Variants in SDK1 observed in about 807,000 individuals in gnomAD.
The protein encoded by SDK1 is sidekick cell adhesion molecule 1.
Under a neutral mutation model 245.5 loss-of-function variants are expected in SDK1, and 157 were observed. That is an observed-to-expected ratio of 0.64 (90% CI 0.56 to 0.73). The LOEUF is 0.73. SDK1 is among the 30% of genes least tolerant of loss of function. The pLI is 0.00. For synonymous variants in SDK1, 1,647 were observed against 1,278.5 expected, an observed-to-expected ratio of 1.29 and a Z score of -6.15; for missense variants, 3,583 against 3,002.3, an observed-to-expected ratio of 1.19 and a Z score of -4.52.
At chr7:3,869,275 C>A (rs1381777216) in intron 5 of SDK1, among the ~76,000 whole-genome samples, 1 of 151,718 alleles carries the variant, frequency 6.6e-6, no homozygotes, top group Non-Finnish European at 1.5e-5. Context: ...CCTGCCTCAG[C>A]CTTCCGGGTA....
intron 4 of SDK1, among the ~76,000 whole-genome samples, chr7:3,732,833 G>A (rs1779217586): frequency 6.6e-6 from 1 of 152,226 alleles, no homozygotes. Flanking sequence ...TGAGATGCAG[G>A]TGTGGTGACT....
intron 1 of SDK1, among the ~76,000 whole-genome samples, chr7:3,484,223 G>T (rs1781606590): frequency 6.6e-6 from 1 of 152,168 alleles, no homozygotes; most frequent in African/African-American, 2.4e-5. Context: ...CTGTATCCAT[G>T]AATTCACATC....
chr7:3,540,033 A>G (rs531098656), intron 1 of SDK1, among the ~76,000 whole-genome samples: 2 of 152,308 alleles, frequency 1.3e-5, no homozygotes, highest in Admixed American at 6.5e-5. Flanking sequence ...CAAATTTATG[A>G]TATTTTGAGT....
intron 5 of SDK1, among the ~76,000 whole-genome samples, chr7:3,894,451 G>C (rs1781544803): frequency 6.6e-6 from 1 of 151,912 alleles, no homozygotes; most frequent in Non-Finnish European, 1.5e-5. Context: ...CGGGGGTGGT[G>C]GGGGAGTGGG....
intron 1 of SDK1, among the ~76,000 whole-genome samples, chr7:3,533,762 A>G (rs1279938032): frequency 6.6e-6 from 1 of 151,650 alleles, no homozygotes; most frequent in Non-Finnish European, 1.5e-5. Context: ...TCTTTCATCC[A>G]TCTCTTTGGC....
At chr7:3,615,505 T>G (rs991784200) in intron 1 of SDK1, among the ~76,000 whole-genome samples, 1 of 151,744 alleles carries the variant, frequency 6.6e-6, no homozygotes, top group Non-Finnish European at 1.5e-5. Context: ...CATCTAACAC[T>G]TTACTGCTTA....
intron 15 of SDK1, among the ~76,000 whole-genome samples, 199 bp downstream of exon 15, chr7:4,011,312 T>C (rs1341707011): frequency 6.6e-6 from 1 of 152,250 alleles, no homozygotes; most frequent in Non-Finnish European, 1.5e-5. Context: ...CCTTCCTTCA[T>C]TGCTTTGAGG....
intron 5 of SDK1, among the ~76,000 whole-genome samples, chr7:3,829,563 C>T (rs1248087949): frequency 6.6e-6 from 1 of 152,118 alleles, no homozygotes. Context: ...GTTTATTTGT[C>T]CCCCTCCCAA....
At chr7:3,795,925 G>A (rs1187826013) in intron 4 of SDK1, among the ~76,000 whole-genome samples, 5 of 152,288 alleles carry the variant, frequency 3.3e-5, no homozygotes, top group Admixed American at 2.6e-4. Context: ...TTTCTGGGAA[G>A]GTAATGATTC....
At chr7:4,247,615 G>A (rs541241234) in intron 44 of SDK1, among the ~76,000 whole-genome samples, 1 of 152,352 alleles carries the variant, frequency 6.6e-6, no homozygotes, top group East Asian at 1.9e-4. Context: ...GCCGCTGCCG[G>A]GCCGCTGCTC....
chr7:3,965,639 G>C (rs1254082850), intron 9 of SDK1, among the ~76,000 whole-genome samples: 1 of 152,208 alleles, frequency 6.6e-6, no homozygotes, highest in African/African-American at 2.4e-5. Flanking sequence ...CTGTGAGGAA[G>C]ACAGGTGAGG....
At chr7:3,331,545 G>A (rs1003574798) in intron 1 of SDK1, among the ~76,000 whole-genome samples, 1 of 151,904 alleles carries the variant, frequency 6.6e-6, no homozygotes, top group Non-Finnish European at 1.5e-5. Context: ...GCTTTATCAG[G>A]TATGATTTTC....
At chr7:3,329,257 C>T (rs4415221) in intron 1 of SDK1, among the ~76,000 whole-genome samples, 1,944 of 152,254 alleles carry the variant, frequency 0.013, 15 homozygotes, top group Non-Finnish European at 0.019. Context: ...GTCCATGAGG[C>T]ACTCTTTGAT....
In SDK1 at chr7:4,266,596, T is replaced by C. The variant is rs968941632; in HGVS notation, c.*1212T>C. 2.0e-6 allele frequency: 2 copies of C among 985,210 alleles called. No homozygotes were observed. The highest frequency in any genetic ancestry group is 1.7e-5 in the African/African-American group (1 of 57,246). 61.0% of individuals were successfully genotyped at this position (985,210 alleles called of 1,614,324 possible). A position where few individuals can be genotyped will look rare whatever the true frequency, so the allele number is the denominator to read the frequency against. On this transcript the variant is annotated 3_prime_UTR_variant, in exon 45 of 45. Coordinates refer to ENST00000404826, the MANE Select transcript of SDK1 (RefSeq NM_152744.4). ...TTCTTTTTTTTATTTAAAATTGTCA[T>C]TGTTTGGTTTAAATTTTTCAGCTAG...
At chr7:3,374,151 T>G (rs1781295589) in intron 1 of SDK1, among the ~76,000 whole-genome samples, 2 of 152,174 alleles carry the variant, frequency 1.3e-5, no homozygotes, top group Admixed American at 6.5e-5. Context: ...CAGTGTGTTT[T>G]GCATAGTTGA....
At chr7:3,490,250 A>G (rs1240709297) in intron 1 of SDK1, among the ~76,000 whole-genome samples, 3 of 152,246 alleles carry the variant, frequency 2.0e-5, no homozygotes, top group Non-Finnish European at 4.4e-5. Flanking sequence ...TTCTTTTCAT[A>G]GGAAATAGGC....
chr7:3,493,644 G>A (rs1475898475), intron 1 of SDK1, among the ~76,000 whole-genome samples: 1 of 152,192 alleles, frequency 6.6e-6, no homozygotes. Flanking sequence ...TTATCTTCAT[G>A]AGTCAGGGCT....
intron 7 of SDK1, chr7:3,952,167 C>T (rs1390745811): frequency 9.8e-6 from 5 of 511,548 alleles, no homozygotes; most frequent in African/African-American, 2.0e-5. Flanking sequence ...AGTCACAAAG[C>T]TCGGGAAATA....
intron 44 of SDK1, among the ~76,000 whole-genome samples, chr7:4,248,151 C>T (rs1259608927): frequency 6.6e-6 from 1 of 152,100 alleles, no homozygotes; most frequent in African/African-American, 2.4e-5. Flanking sequence ...TTCACGTATG[C>T]ATGCACACAT....
Sources: gnomAD v4.1 joint callset for allele counts (sites outside exome capture counted in the v4.1 genomes callset) on GRCh38, gnomAD v4.1.1 for gene constraint, MANE v1.5 for transcripts, NCBI Gene and HGNC (gene_info 2026-07-23, HGNC 2026-07-21) for gene names.